The following ZNF609 variants were observed in gnomAD, a reference collection of about 807,000 sequenced individuals.
ZNF609 encodes zinc finger protein 609.
In ZNF609, 11 loss-of-function variants were observed where a neutral mutation model predicts 109.5. The observed-to-expected ratio is 0.10, with a 90% CI of 0.06 to 0.17. The LOEUF (loss-of-function observed/expected upper bound fraction) is 0.17. Ranked by LOEUF, ZNF609 falls within the 10% of genes least tolerant of loss-of-function variation. The pLI, the probability that ZNF609 is intolerant of heterozygous loss-of-function variation, is 1.00. For synonymous variants in ZNF609, 646 were observed against 662.0 expected, an observed-to-expected ratio of 0.98 and a Z score of 0.37; for missense variants, 1,559 against 1,772.4, an observed-to-expected ratio of 0.88 and a Z score of 2.16.
rs577674185 is a variant in ZNF609, at chr15:64,530,547, T to A, written c.747+30381T>A. 3.9e-5 allele frequency among the ~76,000 whole-genome samples: 6 copies of A among 152,354 alleles called. No homozygotes were observed. In the South Asian group the frequency reaches 6.2e-4, roughly 16 times the overall value. ...ATACTTATTGCCCATGGAAAGTAGT[T>A]AGCTCAATGCTTAATATTAGTAGGG... is the stretch of plus-strand genomic sequence containing the variant. On this transcript the variant is annotated intron_variant, in intron 2 of 9. Transcript: ENST00000326648.
chr15:64,602,494 G>A (rs1427336266), intron 2 of ZNF609, among the ~76,000 whole-genome samples: 2 of 152,050 alleles, frequency 1.3e-5, no homozygotes, highest in African/African-American at 4.8e-5. Flanking sequence ...GACACACACA[G>A]GAAGCAATAA....
intron 2 of ZNF609, among the ~76,000 whole-genome samples, chr15:64,512,343 G>A (rs556029944): frequency 1.1e-4 from 17 of 152,126 alleles, no homozygotes; most frequent in Middle Eastern, 3.4e-3. Context: ...GGCTATTTGA[G>A]CTTTTTTTTC....
intron 2 of ZNF609, among the ~76,000 whole-genome samples, chr15:64,531,164 G>T (rs1454649078): frequency 6.6e-6 from 1 of 152,058 alleles, no homozygotes; most frequent in Non-Finnish European, 1.5e-5. Context: ...TTAGCACTTT[G>T]TGATATTATG....
chr15:64,595,088 G>A lies in ZNF609; in HGVS notation c.748-27739G>A, dbSNP rs1424745356. Among the ~76,000 whole-genome samples, 3 of 151,550 alleles carry A rather than the reference G, an allele frequency of 2.0e-5. No homozygotes were observed. In the East Asian group the frequency reaches 5.8e-4, roughly 29 times the overall value. ...AGTTTATAAAATTTGGGCCGGGCGC[G>A]GTGGCTCGTGCCTGTAATCTCAGTA... On this transcript the variant is annotated intron_variant, in intron 2 of 9. Coordinates refer to ENST00000326648, the MANE Select transcript of ZNF609 (RefSeq NM_015042.2).
rs1895314404 is a variant in ZNF609 at position 64,592,402 on chromosome 15, C to T, written c.748-30425C>T. Among the ~76,000 whole-genome samples, 6 of 152,132 alleles carry T rather than the reference C, an allele frequency of 3.9e-5. No individual in the cohort carries two copies. The South Asian group carries it at 1.2e-3, about 32-fold the overall frequency. Reference sequence around the variant, plus strand: ...GACCAGTCTGGCCAACTTGGTGAAACCCCATCTCTACTAAAAATATGAAAA... The same window carrying T: ...GACCAGTCTGGCCAACTTGGTGAAATCCCATCTCTACTAAAAATATGAAAA... On this transcript the variant is annotated intron_variant, in intron 2 of 9. Coordinates refer to ENST00000326648, the MANE Select transcript of ZNF609 (RefSeq NM_015042.2).
intron 2 of ZNF609, among the ~76,000 whole-genome samples, chr15:64,541,905 ATTTAC>A (rs1412595464): frequency 3.3e-5 from 5 of 150,136 alleles, no homozygotes; most frequent in Non-Finnish European, 7.4e-5. Context: ...GGCTTCTACT[ATTTAC>A]TTAACTGAAA....
chr15:64,525,812 C>G (rs1017846015), intron 2 of ZNF609, among the ~76,000 whole-genome samples: 2 of 149,356 alleles, frequency 1.3e-5, no homozygotes, highest in Non-Finnish European at 3.0e-5. Flanking sequence ...GAGACAGAGT[C>G]TCACTCTGTC....
chr15:64,504,847 T>C (rs563090682), intron 2 of ZNF609, among the ~76,000 whole-genome samples: 2 of 152,174 alleles, frequency 1.3e-5, no homozygotes, highest in East Asian at 3.9e-4. Flanking sequence ...CCTGGGCTTA[T>C]GCACTTCTGC....
At chr15:64,523,232 A>C (rs1653347527) in intron 2 of ZNF609, among the ~76,000 whole-genome samples, 1 of 152,176 alleles carries the variant, frequency 6.6e-6, no homozygotes, top group South Asian at 2.1e-4. Context: ...TATTCTCCAA[A>C]AGTATACATC....
chr15:64,669,769 G>A (rs1253271860), intron 3 of ZNF609, among the ~76,000 whole-genome samples: 1 of 152,166 alleles, frequency 6.6e-6, no homozygotes, highest in South Asian at 2.1e-4. Flanking sequence ...CTGGGTTCAA[G>A]TGATTCTCCT....
At chr15:64,672,157 C>T (rs1388572441) in intron 4 of ZNF609, among the ~76,000 whole-genome samples, 6 of 150,308 alleles carry the variant, frequency 4.0e-5, no homozygotes, top group Non-Finnish European at 7.4e-5. Flanking sequence ...GGACTACAGG[C>T]GCCCGCCACC....
chr15:64,658,959 CTA>C (rs1896534051), intron 3 of ZNF609, among the ~76,000 whole-genome samples: 1 of 151,980 alleles, frequency 6.6e-6, no homozygotes, highest in African/African-American at 2.4e-5. Context: ...TGGAAAATAA[CTA>C]TTTTCATATT....
chr15:64,547,779 A>G (rs1308558000), intron 2 of ZNF609, among the ~76,000 whole-genome samples: 1 of 152,184 alleles, frequency 6.6e-6, no homozygotes, highest in East Asian at 1.9e-4. Context: ...CTCCCTGTTT[A>G]AATTACATTC....
chr15:64,546,390 A>C (rs1434236201), intron 2 of ZNF609, among the ~76,000 whole-genome samples: 1 of 151,158 alleles, frequency 6.6e-6, no homozygotes, highest in South Asian at 2.1e-4. Flanking sequence ...GACTACAGGC[A>C]TGCACCACCA....
intron 1 of ZNF609, among the ~76,000 whole-genome samples, chr15:64,484,792 G>T (rs538307835): frequency 1.7e-4 from 25 of 150,464 alleles, no homozygotes; most frequent in African/African-American, 5.9e-4. Context: ...TGGCCAACAT[G>T]GTGAAACCCC....
intron 1 of ZNF609, among the ~76,000 whole-genome samples, chr15:64,469,330 G>C (rs956835677): frequency 6.7e-6 from 1 of 149,644 alleles, no homozygotes; most frequent in Non-Finnish European, 1.5e-5. Context: ...AAGCAGAGAT[G>C]GGAGGATCGC....
intron 2 of ZNF609, among the ~76,000 whole-genome samples, chr15:64,605,627 GTTTTA>G (rs993087442): frequency 2.3e-4 from 35 of 152,186 alleles, no homozygotes; most frequent in African/African-American, 8.4e-4. Flanking sequence ...AACTTTGATG[GTTTTA>G]TTTTGCAGAA....
intron 3 of ZNF609, among the ~76,000 whole-genome samples, chr15:64,630,119 A>G (rs1258365971): frequency 6.1e-5 from 7 of 114,430 alleles, no homozygotes; most frequent in Non-Finnish European, 1.1e-4. Context: ...TTTTTTTGAG[A>G]CAAAGTCTCG....
Position 64,577,336 on chromosome 15 carries a change from CAT to C in ZNF609, c.748-45484_748-45483del, listed in dbSNP as rs1173478450. Among the ~76,000 whole-genome samples the C allele has an allele frequency of 3.9e-3, 72 of 18,618 alleles. 14 individuals carry two copies. The highest frequency in any genetic ancestry group is 4.9e-3 in the African/African-American group (51 of 10,514). 12.2% of individuals were successfully genotyped at this position (18,618 alleles called of 152,430 possible). On this transcript the variant is annotated intron_variant, in intron 2 of 9. Coordinates refer to ENST00000326648, the MANE Select transcript of ZNF609 (RefSeq NM_015042.2). ...GTATATATATACACACAAATATATA[CAT>C]ATATATGTATATATATACACATATA...
Sources: gnomAD v4.1 joint callset for allele counts (sites outside exome capture counted in the v4.1 genomes callset) on GRCh38, gnomAD v4.1.1 for gene constraint, MANE v1.5 for transcripts, NCBI Gene and HGNC (gene_info 2026-07-23, HGNC 2026-07-21) for gene names.